Variants in TOX observed in about 807,000 individuals in gnomAD.
TOX encodes thymocyte selection-associated high mobility group box protein TOX.
Under a neutral mutation model 53.7 loss-of-function variants are expected in TOX, and 11 were observed. The observed-to-expected ratio is 0.20, with a 90% CI of 0.13 to 0.34. TOX has a LOEUF of 0.34. TOX is among the 10% of genes least tolerant of loss of function. The pLI, the probability that TOX is intolerant of heterozygous loss-of-function variation, is 1.00. For missense variants in TOX, 570 were observed against 664.6 expected (o/e 0.86, Z 1.56); for synonymous variants, 225 against 245.3 (o/e 0.92, Z 0.77).
rs924771691 is a variant in TOX, at chr8:59,117,312, G to C, written c.102+1574C>G. On this transcript the variant is annotated intron_variant, in intron 1 of 8. Transcript: ENST00000361421. The surrounding 1 kb of genome is among the most constrained non-coding windows in gnomAD (Gnocchi z 4.6). ...AAGAACTATGTCACCAGCAAATAAT[G>C]AAACTTCATCACACAAACTCCTATG... 5.3e-5 allele frequency among the ~76,000 whole-genome samples: 8 copies of C among 152,230 alleles called. No individual in the cohort carries two copies. In the South Asian group the frequency reaches 6.2e-4, roughly 12 times the overall value.
At chr8:58,817,888 T>A (rs535699475) in intron 6 of TOX, among the ~76,000 whole-genome samples, 2 of 152,204 alleles carry the variant, frequency 1.3e-5, no homozygotes, top group Non-Finnish European at 2.9e-5. Flanking sequence ...TTTCTATATA[T>A]AACATATTAC....
At chr8:58,862,520 A>T (rs1811028199) in intron 3 of TOX, among the ~76,000 whole-genome samples, 1 of 152,136 alleles carries the variant, frequency 6.6e-6, no homozygotes, top group Non-Finnish European at 1.5e-5. Context: ...ACAGCCAATA[A>T]ATTTCATTAT....
intron 3 of TOX, among the ~76,000 whole-genome samples, chr8:58,884,727 T>C (rs1811438422): frequency 6.6e-6 from 1 of 152,164 alleles, no homozygotes. Flanking sequence ...TTATAAAGGC[T>C]TTAAAAATTC....
intron 3 of TOX, among the ~76,000 whole-genome samples, chr8:58,902,093 C>A (rs1472431403): frequency 6.6e-6 from 1 of 152,076 alleles, no homozygotes; most frequent in East Asian, 1.9e-4. Flanking sequence ...ATAAATATTT[C>A]TATATTTATC....
chr8:59,082,501 A>G (rs1804427615), intron 1 of TOX, among the ~76,000 whole-genome samples: 2 of 152,388 alleles, frequency 1.3e-5, no homozygotes, highest in African/African-American at 4.8e-5. Context: ...ATTTTAATTA[A>G]TCAATGCCCA....
chr8:58,981,660 C>T (rs1186376471), intron 1 of TOX, among the ~76,000 whole-genome samples: 1 of 152,160 alleles, frequency 6.6e-6, no homozygotes, highest in East Asian at 1.9e-4. Flanking sequence ...TCTTCTAATA[C>T]TCAATCCCTT....
intron 4 of TOX, 90 bp from the exon 5 acceptor site, chr8:58,838,401 T>C (rs1231392366): frequency 3.0e-6 from 3 of 997,518 alleles, no homozygotes; most frequent in Admixed American, 4.2e-5. Flanking sequence ...CTTAGACACA[T>C]ACCCATTCAC....
intron 2 of TOX, among the ~76,000 whole-genome samples, chr8:58,954,157 G>A (rs1812672448): frequency 6.6e-6 from 1 of 152,140 alleles, no homozygotes; most frequent in African/African-American, 2.4e-5. Context: ...TTATTATCAT[G>A]TTAACTCTTT....
chr8:59,093,290 T>C (rs1411075420), intron 1 of TOX, among the ~76,000 whole-genome samples: 1 of 152,234 alleles, frequency 6.6e-6, no homozygotes, highest in Non-Finnish European at 1.5e-5. Flanking sequence ...CTTTCATAAG[T>C]ACCACTGACA....
rs377257050 is a variant in TOX, at chr8:58,865,847, TGTCCTGAGACAGAGTCTCACTC to T, written c.412-14064_412-14043del. 3.8e-4 allele frequency among the ~76,000 whole-genome samples: 46 copies of T among 120,488 alleles called. 2 individuals carry two copies. The highest frequency in any genetic ancestry group is 1.1e-3 in the African/African-American group (30 of 27,372). 79.0% of individuals were successfully genotyped at this position (120,488 alleles called of 152,430 possible). On this transcript the variant is annotated intron_variant, in intron 3 of 8. Coordinates refer to ENST00000361421, the MANE Select transcript of TOX (RefSeq NM_014729.3). ...AGTGGCTTTTTTTTTTTTTTTTTTT[TGTCCTGAGACAGAGTCTCACTC>T]TGTCGTCCAGGCTGGAGTGCAGTGG...
chr8:58,844,542 A>C (rs1298382080), intron 4 of TOX, among the ~76,000 whole-genome samples: 1 of 152,158 alleles, frequency 6.6e-6, no homozygotes, highest in African/African-American at 2.4e-5. Flanking sequence ...AGGTCCCATT[A>C]ATCTTCACGT....
At chr8:58,961,154 G>T (rs1812789938) in intron 1 of TOX, among the ~76,000 whole-genome samples, 2 of 152,144 alleles carry the variant, frequency 1.3e-5, no homozygotes, top group South Asian at 2.1e-4. Context: ...CCTATGAACT[G>T]CTAGCAGAAG....
intron 1 of TOX, among the ~76,000 whole-genome samples, chr8:59,089,176 A>C (rs1804563935): frequency 6.6e-6 from 1 of 152,236 alleles, no homozygotes; most frequent in Non-Finnish European, 1.5e-5. Flanking sequence ...GGCATAGCAC[A>C]CATGCTTATG....
At chr8:58,879,577 T>C (rs1395395604) in intron 3 of TOX, among the ~76,000 whole-genome samples, 2 of 152,262 alleles carry the variant, frequency 1.3e-5, no homozygotes, top group East Asian at 1.9e-4. Flanking sequence ...AAAAAAAATA[T>C]GCCAAGAGCA....
chr8:58,983,427 C>T (rs546303810), intron 1 of TOX, among the ~76,000 whole-genome samples: 73 of 152,266 alleles, frequency 4.8e-4, no homozygotes, highest in Non-Finnish European at 4.9e-4. Context: ...CGAGTTAAAG[C>T]TTCTAGGCTC....
intron 2 of TOX, among the ~76,000 whole-genome samples, chr8:58,942,705 C>T (rs1417464142): frequency 6.6e-6 from 1 of 152,114 alleles, no homozygotes; most frequent in Non-Finnish European, 1.5e-5. Context: ...AATAAAGATA[C>T]ATTTAACTTA....
At chr8:58,860,401 T>C (rs1239785030) in intron 3 of TOX, among the ~76,000 whole-genome samples, 1 of 152,148 alleles carries the variant, frequency 6.6e-6, no homozygotes, top group Non-Finnish European at 1.5e-5. Context: ...AGACAATAAA[T>C]ATTTTAGGAC....
chr8:58,900,443 T>A (rs997349279), intron 3 of TOX, among the ~76,000 whole-genome samples: 2 of 152,060 alleles, frequency 1.3e-5, no homozygotes, highest in Non-Finnish European at 2.9e-5. Context: ...AGAAGATGAG[T>A]AGCCAAAAAA....
At chr8:59,083,378 C>T (rs905800994) in intron 1 of TOX, among the ~76,000 whole-genome samples, 2 of 152,088 alleles carry the variant, frequency 1.3e-5, no homozygotes, top group Non-Finnish European at 2.9e-5. Flanking sequence ...TCAAAGGGTC[C>T]TCCTATCAAC....
Sources: gnomAD v4.1 joint callset for allele counts (sites outside exome capture counted in the v4.1 genomes callset) on GRCh38, gnomAD v4.1.1 for gene constraint, Gnocchi (gnomAD v3.1) non-coding constraint, MANE v1.5 for transcripts, NCBI Gene and HGNC (gene_info 2026-07-23, HGNC 2026-07-21) for gene names.